MUCL1: variants seen among roughly 807,000 people sequenced by gnomAD.
MUCL1 encodes the protein mucin like 1.
Under a neutral mutation model 9.2 loss-of-function variants are expected in MUCL1, and 11 were observed. That is an observed-to-expected ratio of 1.19 (90% CI 0.75 to 1.97). The LOEUF is 1.97. MUCL1 is among the 30% of genes most tolerant of loss of function. The probability of loss-of-function intolerance (pLI) is 0.00; values close to 1 mark genes in which losing one functional copy is unlikely to be tolerated. For missense variants in MUCL1, 144 were observed against 110.9 expected, an observed-to-expected ratio of 1.30 and a Z score of -1.34; for synonymous variants, 48 against 40.5, an observed-to-expected ratio of 1.19 and a Z score of -0.71.
chr12:54,844,246 T>A (rs1341868253), intron 1 of MUCL1, among the ~76,000 whole-genome samples: 1 of 148,336 alleles, frequency 6.7e-6, no homozygotes, highest in African/African-American at 2.6e-5. Context: ...GGGCCCCAGA[T>A]TTTTTTTATT....
At chr12:54,837,686 G>A (rs1021458162), upstream of MUCL1, among the ~76,000 whole-genome samples, 13 of 152,072 alleles carry the variant, frequency 8.5e-5, no homozygotes, top group South Asian at 2.1e-4. Context: ...GGAGAATGGC[G>A]TGAACCCAGG....
chr12:54,836,856 G>A (rs1330688141), upstream of MUCL1, among the ~76,000 whole-genome samples: 1 of 152,112 alleles, frequency 6.6e-6, no homozygotes, highest in African/African-American at 2.4e-5. Context: ...TCATTCAGGA[G>A]CAAATTATTT....
chr12:54,846,750 C>G (rs61956770), intron 1 of MUCL1, among the ~76,000 whole-genome samples: 27,484 of 74,234 alleles, frequency 0.37, 2,775 homozygotes, highest in Middle Eastern at 0.52. Context: ...GAAAGAACTT[C>G]CCTTGCTTTT....
chr12:54,847,813 C>T (rs113754437), intron 1 of MUCL1, among the ~76,000 whole-genome samples: 66 of 152,210 alleles, frequency 4.3e-4, no homozygotes, highest in African/African-American at 1.3e-3. Flanking sequence ...TAAAGTATGA[C>T]AGAAGTTACG....
chr12:54,851,503 G>C (rs11609301), upstream of MUCL1, among the ~76,000 whole-genome samples: 1 of 152,046 alleles, frequency 6.6e-6, no homozygotes, highest in Non-Finnish European at 1.5e-5. Context: ...TTGATGGGAC[G>C]TATCTCAAAA....
chr12:54,843,785 C>G (rs1431753655), intron 1 of MUCL1, among the ~76,000 whole-genome samples: 1 of 152,166 alleles, frequency 6.6e-6, no homozygotes, highest in African/African-American at 2.4e-5. Flanking sequence ...GAATGCAACC[C>G]TTGATTTTGG....
upstream of MUCL1, among the ~76,000 whole-genome samples, chr12:54,835,585 T>C (rs889794400): frequency 1.4e-5 from 2 of 142,366 alleles, no homozygotes; most frequent in African/African-American, 5.3e-5. Flanking sequence ...TCGTGTCACG[T>C]GTCCACTTTT....
intron 1 of MUCL1, among the ~76,000 whole-genome samples, chr12:54,833,877 T>C (rs930971544): frequency 6.6e-6 from 1 of 151,822 alleles, no homozygotes; most frequent in Non-Finnish European, 1.5e-5. Context: ...TGCTAAATGA[T>C]GAGTTAATGG....
intron 3 of MUCL1, among the ~76,000 whole-genome samples, chr12:54,857,448 T>C (rs1868309360): frequency 6.6e-6 from 1 of 152,172 alleles, no homozygotes; most frequent in African/African-American, 2.4e-5. Context: ...AGGATCAATG[T>C]ACATTCCTCC....
At chr12:54,857,536 C>T (rs2135947908) in intron 3 of MUCL1, among the ~76,000 whole-genome samples, 1 of 152,038 alleles carries the variant, frequency 6.6e-6, no homozygotes, top group East Asian at 1.9e-4. Context: ...GGAACATATG[C>T]CAGGAACTGT....
At chr12:54,854,444 C>A (rs974651359), upstream of MUCL1, 3 of 635,926 alleles carry the variant, frequency 4.7e-6, no homozygotes, top group Non-Finnish European at 8.2e-6. Context: ...ATTACCTAAC[C>A]TGGATTCTGG....
Position 54,856,728 on chromosome 12 carries a change from G to C in MUCL1, c.101-42G>C, listed in dbSNP as rs1470926426. 1.9e-6 allele frequency: 3 copies of C among 1,567,022 alleles called. No individual in the cohort carries two copies. In the African/African-American group the frequency reaches 4.1e-5, roughly 21 times the overall value. ...CCTGGGTGGGATAAATTTTGTTCCA[G>C]AAGGAGTCAGTCTCACCTAGAGCTT... On this transcript the variant is annotated intron_variant, in intron 2 of 3. Transcript: ENST00000308796.
At chr12:54,851,075 GA>G (rs1314937367), upstream of MUCL1, among the ~76,000 whole-genome samples, 8 of 152,066 alleles carry the variant, frequency 5.3e-5, no homozygotes, top group Non-Finnish European at 7.4e-5. Context: ...TTGTCAGATG[GA>G]GAGATTGCAA....
At chr12:54,842,036 G>A (rs1456968739) in intron 1 of MUCL1, among the ~76,000 whole-genome samples, 1 of 151,980 alleles carries the variant, frequency 6.6e-6, no homozygotes, top group East Asian at 1.9e-4. Flanking sequence ...ATATAGAAAA[G>A]AATCAACTAA....
At chr12:54,852,685 G>A (rs1420785072), upstream of MUCL1, among the ~76,000 whole-genome samples, 1 of 152,134 alleles carries the variant, frequency 6.6e-6, no homozygotes, top group Non-Finnish European at 1.5e-5. Context: ...CTCTGCCTCT[G>A]TGGAGGGACA....
intron 1 of MUCL1, among the ~76,000 whole-genome samples, chr12:54,847,251 C>A (rs1413489776): frequency 1.3e-5 from 2 of 152,148 alleles, no homozygotes; most frequent in African/African-American, 4.8e-5. Flanking sequence ...TAGTGTTGAG[C>A]AATGAACCTA....
chr12:54,838,915 A>G (rs758820639), upstream of MUCL1, among the ~76,000 whole-genome samples: 72 of 151,928 alleles, frequency 4.7e-4, no homozygotes, highest in Non-Finnish European at 7.9e-4. Flanking sequence ...TGAATTCTTT[A>G]TCTGGCATCT....
intron 1 of MUCL1, among the ~76,000 whole-genome samples, chr12:54,844,865 C>T (rs1351807228): frequency 6.6e-6 from 1 of 152,122 alleles, no homozygotes; most frequent in East Asian, 1.9e-4. Context: ...CTTATTTCTG[C>T]AGAAAAAAAC....
At chr12:54,841,500 C>T (rs1052247486) in intron 1 of MUCL1, among the ~76,000 whole-genome samples, 13 of 152,308 alleles carry the variant, frequency 8.5e-5, no homozygotes, top group Admixed American at 8.5e-4. Flanking sequence ...TCCTCACCAA[C>T]CCTGCCGTAC....
Sources: gnomAD v4.1 joint callset for allele counts (sites outside exome capture counted in the v4.1 genomes callset) on GRCh38, gnomAD v4.1.1 for gene constraint, MANE v1.5 for transcripts, NCBI Gene and HGNC (gene_info 2026-07-23, HGNC 2026-07-21) for gene names.